PTCHD4: variants seen among roughly 807,000 people sequenced by gnomAD.
The protein encoded by PTCHD4 is patched domain-containing protein 4.
In PTCHD4, 33 loss-of-function variants were observed where a neutral mutation model predicts 58.1. That is an observed-to-expected ratio of 0.57 (90% CI 0.43 to 0.76). PTCHD4 has a LOEUF of 0.76. Ranked by LOEUF, PTCHD4 falls within the 30% of genes least tolerant of loss-of-function variation. PTCHD4 has a pLI of 0.00. For synonymous variants in PTCHD4, 478 were observed against 409.6 expected, an observed-to-expected ratio of 1.17 and a Z score of -2.02; for missense variants, 1,058 against 1,027.1, an observed-to-expected ratio of 1.03 and a Z score of -0.41.
chr6:48,047,189 A>T (rs1260467375), intron 3 of PTCHD4, among the ~76,000 whole-genome samples: 1 of 151,736 alleles, frequency 6.6e-6, no homozygotes, highest in Non-Finnish European at 1.5e-5. Context: ...TAATGACTGT[A>T]GTGTTTTTTT....
At position 47,864,706 on chromosome 6, in the gene PTCHD4, T is replaced by C. The variant is rs1763512145; in HGVS notation, c.*13597A>G. 6.6e-6 allele frequency among the ~76,000 whole-genome samples: 1 copy of C among 151,870 alleles called. No homozygotes were observed. Among genetic ancestry groups the C allele is most frequent in the African/African-American group, 2.4e-5 (1 of 41,382 alleles). On this transcript the variant is annotated 3_prime_UTR_variant, in exon 5 of 5. Transcript: ENST00000339488. ...ATGACTGTAGAAGAATACAAAGAGT[T>C]CATATGGATTATTTTCACAGGTCAT...
At chr6:48,105,983 C>T (rs2113917887) in intron 1 of PTCHD4, among the ~76,000 whole-genome samples, 1 of 152,132 alleles carries the variant, frequency 6.6e-6, no homozygotes, top group South Asian at 2.1e-4. Context: ...AAAAAAAGTC[C>T]AGGACAAGAT....
intron 4 of PTCHD4, among the ~76,000 whole-genome samples, chr6:47,988,245 G>C (rs1458209211): frequency 6.6e-6 from 1 of 152,170 alleles, no homozygotes; most frequent in African/African-American, 2.4e-5. Flanking sequence ...TTTCCAATTA[G>C]TAGTGCTGTC....
rs1229667996 is a variant in PTCHD4, at chr6:47,879,359, T to TA, written c.1475dup (p.Ala493SerfsTer3). 6.2e-7 allele frequency: 1 copy of TA among 1,613,398 alleles called. No individual in the cohort carries two copies. Among genetic ancestry groups the TA allele is most frequent in the African/African-American group, 1.3e-5 (1 of 74,894 alleles). On this transcript the variant is annotated frameshift_variant, in exon 5 of 5. Coordinates refer to ENST00000339488, the MANE Select transcript of PTCHD4 (RefSeq NM_001384253.1). LOFTEE classifies it high-confidence loss of function. ...AGGAAACACTTGGCGAATCACTGGC[T>TA]AGTAGATTGATGATGTTGGCTCCGT...
intron 3 of PTCHD4, among the ~76,000 whole-genome samples, chr6:48,067,363 C>G (rs1340211832): frequency 6.6e-6 from 1 of 151,386 alleles, no homozygotes; most frequent in African/African-American, 2.4e-5. Flanking sequence ...TTTTTTCTTT[C>G]CTTTTGTTAT....
intron 4 of PTCHD4, among the ~76,000 whole-genome samples, chr6:47,885,183 G>A (rs976407796): frequency 6.6e-6 from 1 of 152,180 alleles, no homozygotes; most frequent in Non-Finnish European, 1.5e-5. Flanking sequence ...TGAAATAAAA[G>A]AGAGAGTTCT....
rs1315155781 is a variant in PTCHD4, at chr6:48,068,303, G to A, written c.344C>T (p.Ser115Phe). The change falls in exon 3 of 5, where the codon TCC (serine) becomes TTC (phenylalanine). Residue 115 changes from serine to phenylalanine, a missense_variant. Ser to Phe is a radical substitution (Grantham distance 155). Coordinates refer to ENST00000339488, the MANE Select transcript of PTCHD4 (RefSeq NM_001384253.1). This position sits in a 1 kb window ranked among gnomAD's most constrained non-coding sequence, Gnocchi z 4.2. ...GAGCAAAATATTGTCCCCGGTTGGG[G>A]AGAGGAGGATCACCCTGCCATACCT... ...PGRYGRVILL[S>F]PTGDNILLQA... 2.5e-6 allele frequency: 4 copies of A among 1,612,630 alleles called. No individual in the cohort carries two copies. The highest frequency in any genetic ancestry group is 2.7e-5 in the African/African-American group (2 of 74,918).
intron 1 of PTCHD4, among the ~76,000 whole-genome samples, chr6:48,078,214 G>A (rs1402616601): frequency 6.6e-6 from 1 of 152,156 alleles, no homozygotes; most frequent in Non-Finnish European, 1.5e-5. Context: ...TCTTAAAAAA[G>A]AGCAGCCTCT....
intron 1 of PTCHD4, among the ~76,000 whole-genome samples, chr6:48,093,056 C>A (rs1765397526): frequency 6.6e-6 from 1 of 152,190 alleles, no homozygotes; most frequent in South Asian, 2.1e-4. Context: ...TCCCCAGGCA[C>A]AACAGACTTC....
intron 4 of PTCHD4, among the ~76,000 whole-genome samples, chr6:47,938,058 CAGG>C (rs1219036948): frequency 6.6e-6 from 1 of 152,122 alleles, no homozygotes; most frequent in Non-Finnish European, 1.5e-5. Flanking sequence ...CAGGCTGAGG[CAGG>C]AGAACTGCGT....
At chr6:47,903,600 C>A (rs1336645894) in intron 4 of PTCHD4, among the ~76,000 whole-genome samples, 3 of 152,156 alleles carry the variant, frequency 2.0e-5, no homozygotes, top group Admixed American at 6.5e-5. Context: ...CTGGTATAAG[C>A]AACCATGCCT....
chr6:48,072,593 A>C (rs1258470355), intron 1 of PTCHD4, among the ~76,000 whole-genome samples: 4 of 152,210 alleles, frequency 2.6e-5, no homozygotes, highest in Admixed American at 2.6e-4. Context: ...TCTGGGTGCC[A>C]GATATGCTGG....
At chr6:48,109,965 A>T (rs1765829858) in intron 1 of PTCHD4, among the ~76,000 whole-genome samples, 1 of 152,160 alleles carries the variant, frequency 6.6e-6, no homozygotes, top group Non-Finnish European at 1.5e-5. Flanking sequence ...AGTGATAGGT[A>T]TTGGTGAGAG....
At chr6:48,009,151 T>C in intron 3 of PTCHD4, 37 bp from the exon 4 acceptor site, 1 of 1,555,668 alleles carries the variant, frequency 6.4e-7, no homozygotes. Context: ...CAGTTACGGA[T>C]GTATATTCCA....
chr6:47,915,920 G>A (rs7750802), intron 4 of PTCHD4, among the ~76,000 whole-genome samples: 86,281 of 151,920 alleles, frequency 0.57, 25,768 homozygotes, highest in East Asian at 0.78. Context: ...TGGTGATACT[G>A]TAAGAATCCT....
intron 4 of PTCHD4, among the ~76,000 whole-genome samples, chr6:47,987,616 C>T (rs1338841821): frequency 6.6e-6 from 1 of 152,016 alleles, no homozygotes; most frequent in Non-Finnish European, 1.5e-5. Flanking sequence ...GGCTACTGGC[C>T]TGAAGGAATG....
In PTCHD4 at chr6:47,857,690, A is replaced by G. The variant is rs1296223299; in HGVS notation, c.*20613T>C. Reference sequence around the variant, plus strand: ...ATAGTATCCAAAACTAAGAGCTGTAAATTAGTTAATAGACTACTTATTTTC... The same window carrying G: ...ATAGTATCCAAAACTAAGAGCTGTAGATTAGTTAATAGACTACTTATTTTC... On this transcript the variant is annotated 3_prime_UTR_variant, in exon 5 of 5. Transcript: ENST00000339488. 1.3e-5 allele frequency among the ~76,000 whole-genome samples: 2 copies of G among 151,994 alleles called. No homozygotes were observed. Among genetic ancestry groups the G allele is most frequent in the African/African-American group, 4.8e-5 (2 of 41,432 alleles).
chr6:47,936,878 C>T (rs753028079), intron 4 of PTCHD4, among the ~76,000 whole-genome samples: 11 of 152,282 alleles, frequency 7.2e-5, no homozygotes, highest in South Asian at 2.1e-4. Context: ...GATCCAAAAA[C>T]GCTCCAGTCT....
chr6:47,907,579 C>T (rs534683900), intron 4 of PTCHD4, among the ~76,000 whole-genome samples: 49 of 152,278 alleles, frequency 3.2e-4, no homozygotes, highest in South Asian at 1.2e-3. Flanking sequence ...TGGAGAAGCC[C>T]ATGACTTGGA....
Sources: allele counts gnomAD v4.1 joint callset (sites outside exome capture counted in the v4.1 genomes callset), GRCh38; gene constraint gnomAD v4.1.1; non-coding constraint Gnocchi (gnomAD v3.1); transcripts MANE v1.5; gene names NCBI Gene and HGNC (gene_info 2026-07-23, HGNC 2026-07-21).